The following DTNA variants were observed in gnomAD, a reference collection of about 807,000 sequenced individuals.
DTNA encodes dystrobrevin alpha.
A neutral mutation model predicts 100.7 loss-of-function variants in DTNA; 43 were observed. That is an observed-to-expected ratio of 0.43 (90% CI 0.33 to 0.55). The LOEUF is 0.55. Ranked by LOEUF, DTNA falls within the 20% of genes least tolerant of loss-of-function variation. DTNA has a pLI of 0.04. For missense variants in DTNA, 798 were observed against 953.9 expected (o/e 0.84, Z 2.15); for synonymous variants, 349 against 347.9 (o/e 1.00, Z -0.04).
rs189555453 is a variant in DTNA at position 34,787,707 on chromosome 18, T to C, written c.149-6330T>C. On this transcript the variant is annotated intron_variant, in intron 3 of 22. Coordinates refer to ENST00000444659, the MANE Select transcript of DTNA (RefSeq NM_001386795.1). ...TCAGAAAACACATTAAAAATATCTCTTGAGATAAACAAACTCTCCTTTACC... is the reference window on the plus strand; with the variant it reads ...TCAGAAAACACATTAAAAATATCTCCTGAGATAAACAAACTCTCCTTTACC... Among the ~76,000 whole-genome samples, 211 of 152,308 alleles carry C rather than the reference T, an allele frequency of 1.4e-3. 2 individuals carry two copies. The highest frequency in any genetic ancestry group is 5.0e-3 in the African/African-American group (208 of 41,572).
chr18:34,730,533 A>G (rs1462194701), intron 1 of DTNA, among the ~76,000 whole-genome samples: 1 of 152,164 alleles, frequency 6.6e-6, no homozygotes, highest in East Asian at 1.9e-4. Context: ...TGGGAAGAAT[A>G]TAGACCTTGG....
chr18:34,576,619 C>T (rs1461039754), intron 1 of DTNA, among the ~76,000 whole-genome samples: 2 of 152,136 alleles, frequency 1.3e-5, no homozygotes, highest in East Asian at 1.9e-4. Context: ...CCGCCATGCC[C>T]GGCTAATTTT....
intron 1 of DTNA, among the ~76,000 whole-genome samples, chr18:34,739,826 T>C (rs1338291223): frequency 6.6e-6 from 1 of 152,162 alleles, no homozygotes; most frequent in African/African-American, 2.4e-5. Flanking sequence ...CAATGCAAAG[T>C]AGGGAACAGT....
intron 17 of DTNA, chr18:34,867,624 A>C (rs533642960): frequency 1.0e-6 from 1 of 999,948 alleles, no homozygotes; most frequent in African/African-American, 1.7e-5. Context: ...TCCTCCTAGC[A>C]GAGAGAGAGG....
chr18:34,572,953 C>T (rs969768124), intron 1 of DTNA, among the ~76,000 whole-genome samples: 1 of 152,198 alleles, frequency 6.6e-6, no homozygotes, highest in Non-Finnish European at 1.5e-5. Flanking sequence ...GGGCAAGTCA[C>T]TTAATCTCTC....
At chr18:34,885,945 A>G (rs2096917765) in intron 22 of DTNA, among the ~76,000 whole-genome samples, 1 of 152,082 alleles carries the variant, frequency 6.6e-6, no homozygotes, top group Non-Finnish European at 1.5e-5. Flanking sequence ...GTAAGTCTAG[A>G]TTTTTTCTCT....
intron 1 of DTNA, among the ~76,000 whole-genome samples, chr18:34,600,164 C>A (rs1267859660): frequency 6.6e-6 from 1 of 151,772 alleles, no homozygotes; most frequent in Admixed American, 6.6e-5. Context: ...AACAGAAGAG[C>A]TTAAAGAGAG....
intron 1 of DTNA, among the ~76,000 whole-genome samples, chr18:34,557,452 C>A (rs1372829452): frequency 1.3e-5 from 2 of 152,182 alleles, no homozygotes; most frequent in South Asian, 2.1e-4. Context: ...CTCTGCGTTT[C>A]AGAGTTTCCC....
intron 1 of DTNA, among the ~76,000 whole-genome samples, chr18:34,601,826 C>T (rs971587424): frequency 6.6e-6 from 1 of 152,184 alleles, no homozygotes; most frequent in African/African-American, 2.4e-5. Flanking sequence ...ACTTACCACT[C>T]AGGGAGTCCT....
chr18:34,764,638 CG>C (rs1300051269), intron 2 of DTNA, among the ~76,000 whole-genome samples: 2 of 152,172 alleles, frequency 1.3e-5, no homozygotes, highest in Admixed American at 6.5e-5. Context: ...CTGAAGATAT[CG>C]GTTTGAGTTG....
At chr18:34,842,567 C>A (rs2096288663) in intron 13 of DTNA, among the ~76,000 whole-genome samples, 3 of 152,072 alleles carry the variant, frequency 2.0e-5, no homozygotes, top group Admixed American at 2.0e-4. Flanking sequence ...TGGGGTTCTC[C>A]CATTCAATCA....
intron 1 of DTNA, among the ~76,000 whole-genome samples, chr18:34,500,347 G>T (rs1278957077): frequency 6.6e-6 from 1 of 150,708 alleles, no homozygotes; most frequent in African/African-American, 2.4e-5. Flanking sequence ...GAGGTATTCA[G>T]TGCAAATATA....
chr18:34,766,149 A>T, intron 3 of DTNA, 108 bp downstream of exon 3: 1 of 1,253,974 alleles, frequency 8.0e-7, no homozygotes, highest in Non-Finnish European at 1.1e-6. Context: ...TAATATTGTT[A>T]TATATGTTTA....
intron 1 of DTNA, among the ~76,000 whole-genome samples, chr18:34,520,488 C>T (rs1393768037): frequency 3.3e-5 from 5 of 151,976 alleles, no homozygotes; most frequent in Admixed American, 2.0e-4. Flanking sequence ...CCTGTCTCTA[C>T]CAAAAATACA....
chr18:34,581,262 C>CAAAAG (rs2048593043), intron 1 of DTNA, among the ~76,000 whole-genome samples: 1 of 147,114 alleles, frequency 6.8e-6, no homozygotes, highest in African/African-American at 2.6e-5. Context: ...CAAAACAAAA[C>CAAAAG]AAAACAAAAC....
chr18:34,514,750 T>C (rs543311603), intron 1 of DTNA, among the ~76,000 whole-genome samples: 2 of 152,078 alleles, frequency 1.3e-5, no homozygotes, highest in East Asian at 3.9e-4. Context: ...CCTCACATGG[T>C]GGAAAGGGCA....
chr18:34,538,371 C>T lies in DTNA; in HGVS notation c.-2+44857C>T, dbSNP rs1162426259. Among the ~76,000 whole-genome samples, 4 of 152,136 alleles carry T rather than the reference C, an allele frequency of 2.6e-5. No individual in the cohort carries two copies. The East Asian group carries it at 7.8e-4, about 30-fold the overall frequency. On this transcript the variant is annotated intron_variant, in intron 1 of 19. Coordinates refer to the DTNA transcript ENST00000283365. ...GCTTGGGATTAGAACAAAGACCATG[C>T]AATCACAGATTTCTTAAAAATGGAA...
intron 1 of DTNA, among the ~76,000 whole-genome samples, chr18:34,538,620 A>G (rs1299403449): frequency 2.6e-5 from 4 of 152,028 alleles, no homozygotes; most frequent in Non-Finnish European, 5.9e-5. Context: ...AAAATAAAAA[A>G]ATCTTGTATA....
chr18:34,858,503 C>T, intron 16 of DTNA, 105 bp downstream of exon 16: 4 of 1,133,724 alleles, frequency 3.5e-6, no homozygotes, highest in Non-Finnish European at 5.3e-6. Context: ...ACCTTAGCTG[C>T]TGACATTTGT....
Sources: gnomAD v4.1 joint callset for allele counts (sites outside exome capture counted in the v4.1 genomes callset) on GRCh38, gnomAD v4.1.1 for gene constraint, MANE v1.5 for transcripts, NCBI Gene and HGNC (gene_info 2026-07-23, HGNC 2026-07-21) for gene names.